The following RASEF variants were observed in gnomAD, a reference collection of about 807,000 sequenced individuals.
RASEF encodes the protein ras and EF-hand domain-containing protein.
RASEF carries 68 observed loss-of-function variants against 90.1 expected under a neutral mutation model. The ratio of observed to expected loss-of-function variants is 0.75; its 90% CI spans 0.62 to 0.92. RASEF has a LOEUF of 0.92. Among genes scored for constraint, RASEF ranks in the 40% least tolerant of loss-of-function variants. RASEF has a pLI of 0.00. For missense variants in RASEF, 949 were observed against 937.2 expected, an observed-to-expected ratio of 1.01 and a Z score of -0.16; for synonymous variants, 331 against 345.2, an observed-to-expected ratio of 0.96 and a Z score of 0.46.
chr9:83,062,744 C>G lies in RASEF; in HGVS notation c.124G>C (p.Val42Leu), dbSNP rs748902963. Residue 42 changes from valine (V) to leucine (L), a missense_variant, in exon 1 of 17, where the codon GTG becomes CTG. Physicochemically the swap from Val to Leu is conservative, Grantham distance 32. Around this residue, in one of 3 missense-constraint regions of RASEF, gnomAD observed 656 missense variants for 592.2 expected, o/e 1.11. Coordinates refer to ENST00000376447, the MANE Select transcript of RASEF (RefSeq NM_152573.4). ...EFRALCTELR[V>L]RPADAEAVFQ... ...ACTGCCTCGGCGTCGGCCGGCCGCA[C>G]CCGCAGCTCCGTGCACAGTGCCCGG... The G allele has an allele frequency of 1.0e-5, 16 of 1,568,182 alleles. No individual in the cohort carries two copies. In the South Asian group the frequency reaches 1.4e-4, roughly 14 times the overall value.
chr9:82,983,151 A>ACACACAC (rs1289508160), intron 16 of RASEF, among the ~76,000 whole-genome samples: 2 of 125,502 alleles, frequency 1.6e-5, no homozygotes, highest in African/African-American at 5.7e-5. Flanking sequence ...ACACACACAC[A>ACACACAC]CACACCCTTC....
intron 7 of RASEF, among the ~76,000 whole-genome samples, chr9:83,006,527 C>T (rs891836837): frequency 5.3e-5 from 8 of 151,562 alleles, no homozygotes; most frequent in East Asian, 1.9e-4. Flanking sequence ...AAAGGTCAAA[C>T]CTGACCTGAC....
At chr9:83,104,718 G>A in the RASEF span, among the ~76,000 whole-genome samples, 1 of 152,098 alleles carries the variant, frequency 6.6e-6, no homozygotes, top group Non-Finnish European at 1.5e-5. Flanking sequence ...TTACATTCTT[G>A]GTAGGATGTA....
chr9:83,207,026 C>T, the RASEF span, among the ~76,000 whole-genome samples: 1 of 152,154 alleles, frequency 6.6e-6, no homozygotes, highest in South Asian at 2.1e-4. Context: ...GTCTAGGACC[C>T]TGGAAAGGTA....
At chr9:83,049,529 CTTTTTTT>C (rs10687615) in intron 1 of RASEF, among the ~76,000 whole-genome samples, 9 of 99,084 alleles carry the variant, frequency 9.1e-5, no homozygotes, top group African/African-American at 3.0e-4. Flanking sequence ...TTCTGCCTTC[CTTTTTTT>C]TTTTTTTTTT....
the RASEF span, among the ~76,000 whole-genome samples, chr9:83,144,150 A>C: frequency 6.6e-6 from 1 of 151,764 alleles, no homozygotes; most frequent in African/African-American, 2.4e-5. Flanking sequence ...GTGGATTACT[A>C]GAAGGGAGAA....
At chr9:83,205,732 T>C in the RASEF span, among the ~76,000 whole-genome samples, 1 of 152,236 alleles carries the variant, frequency 6.6e-6, no homozygotes, top group Non-Finnish European at 1.5e-5. Context: ...TACCACACTG[T>C]ATACACTGGA....
At chr9:83,188,455 C>A in the RASEF span, among the ~76,000 whole-genome samples, 4 of 152,200 alleles carry the variant, frequency 2.6e-5, no homozygotes, top group Non-Finnish European at 5.9e-5. Flanking sequence ...ACTTGTGCAA[C>A]CTGAGCAAGC....
chr9:83,102,058 A>AC, the RASEF span, among the ~76,000 whole-genome samples: 2 of 152,256 alleles, frequency 1.3e-5, no homozygotes, highest in Middle Eastern at 3.4e-3. Context: ...AATGTGAAAA[A>AC]AAAAAGATGG....
intron 1 of RASEF, among the ~76,000 whole-genome samples, chr9:83,029,143 A>C (rs1227588020): frequency 2.6e-5 from 4 of 152,216 alleles, no homozygotes; most frequent in African/African-American, 9.6e-5. Flanking sequence ...GCCCATGGTA[A>C]CATGGTGGTT....
At chr9:83,015,418 C>A (rs1451222835) in intron 4 of RASEF, among the ~76,000 whole-genome samples, 1 of 152,210 alleles carries the variant, frequency 6.6e-6, no homozygotes. Flanking sequence ...CAGTGGCTCA[C>A]GCCTGTAATC....
the RASEF span, among the ~76,000 whole-genome samples, chr9:83,158,239 C>T: frequency 1.3e-5 from 2 of 151,954 alleles, no homozygotes; most frequent in South Asian, 4.1e-4. Context: ...TAAAGTAAAG[C>T]TTTTAGAAGA....
chr9:83,127,577 G>A, the RASEF span, among the ~76,000 whole-genome samples: 5 of 152,288 alleles, frequency 3.3e-5, no homozygotes, highest in East Asian at 7.7e-4. Flanking sequence ...TCATGTAGGC[G>A]CTGCCAGTAA....
At chr9:83,063,328 G>C (rs139559959), upstream of RASEF, among the ~76,000 whole-genome samples, 53 of 152,264 alleles carry the variant, frequency 3.5e-4, no homozygotes, top group East Asian at 8.2e-3. Context: ...ATTGCCCTTC[G>C]GCGTAAGCGC....
the RASEF span, among the ~76,000 whole-genome samples, chr9:83,143,461 A>G: frequency 1.3e-5 from 2 of 152,194 alleles, no homozygotes; most frequent in East Asian, 3.8e-4. Context: ...CAGCCAACAA[A>G]CACATGAAAA....
chr9:83,121,266 T>C, the RASEF span, among the ~76,000 whole-genome samples: 3 of 152,170 alleles, frequency 2.0e-5, no homozygotes, highest in African/African-American at 7.2e-5. Flanking sequence ...AGTATATCAG[T>C]TGACATATAT....
At chr9:83,195,494 C>T in the RASEF span, among the ~76,000 whole-genome samples, 364 of 152,242 alleles carry the variant, frequency 2.4e-3, no homozygotes, top group African/African-American at 8.4e-3. Flanking sequence ...CACTCATTTG[C>T]GTGTTCCTTA....
At chr9:83,029,726 TAAAC>T (rs1256583329) in intron 1 of RASEF, among the ~76,000 whole-genome samples, 1 of 152,076 alleles carries the variant, frequency 6.6e-6, no homozygotes, top group African/African-American at 2.4e-5. Context: ...CTTGTTCTTA[TAAAC>T]AAACTGCTTG....
chr9:83,177,188 T>G, the RASEF span, among the ~76,000 whole-genome samples: 1 of 152,176 alleles, frequency 6.6e-6, no homozygotes, highest in Non-Finnish European at 1.5e-5. Flanking sequence ...TATAATTACA[T>G]AATTACCTTT....
Sources: allele counts gnomAD v4.1 joint callset (sites outside exome capture counted in the v4.1 genomes callset), GRCh38; gene constraint gnomAD v4.1.1; regional missense constraint gnomAD v4.1.1; transcripts MANE v1.5; gene names NCBI Gene and HGNC (gene_info 2026-07-23, HGNC 2026-07-21).